Variants in LMBR1 observed in about 807,000 individuals in gnomAD.
LMBR1 encodes limb development membrane protein 1.
A neutral mutation model predicts 73.9 loss-of-function variants in LMBR1; 52 were observed. That is an observed-to-expected ratio of 0.70 (90% CI 0.56 to 0.89). The LOEUF is 0.89. Ranked by LOEUF, LMBR1 falls within the 40% of genes least tolerant of loss-of-function variation. LMBR1 has a pLI of 0.00. For synonymous variants in LMBR1, 215 were observed against 209.4 expected (o/e 1.03, Z -0.23); for missense variants, 539 against 579.8 (o/e 0.93, Z 0.72).
chr7:156,707,777 A>G (rs1340774323), intron 15 of LMBR1, among the ~76,000 whole-genome samples: 1 of 152,222 alleles, frequency 6.6e-6, no homozygotes, highest in African/African-American at 2.4e-5. Context: ...AACTGGAAAA[A>G]GACAAGGATG....
intron 1 of LMBR1, among the ~76,000 whole-genome samples, chr7:156,842,320 G>A (rs1443043166): frequency 6.7e-6 from 1 of 148,740 alleles, no homozygotes; most frequent in East Asian, 2.0e-4. Flanking sequence ...AGCATTTTGT[G>A]GGGCGGGGGG....
At chr7:156,676,015 T>C (rs1350249182), downstream of LMBR1, 3 of 868,128 alleles carry the variant, frequency 3.5e-6, no homozygotes, top group Admixed American at 5.3e-5. Context: ...GGGGGTGGCA[T>C]GTCGGGGGAG....
Position 156,681,146 on chromosome 7 carries a change from C to CGT in LMBR1, c.*2931_*2932insAC, listed in dbSNP as rs2131826644. On this transcript the variant is annotated 3_prime_UTR_variant, in exon 17 of 17. Coordinates refer to ENST00000353442, the MANE Select transcript of LMBR1 (RefSeq NM_022458.4). ...ATTAAATAACGTGCTACCAACAAAA[C>CGT]TAGCACATAAGAGCCTGTAAATGAT... The CGT allele has an allele frequency of 2.2e-6, 1 of 448,144 alleles. No homozygotes were observed. Among genetic ancestry groups the CGT allele is most frequent in the East Asian group, 7.0e-5 (1 of 14,228 alleles). The allele number at this position is 448,144 out of a possible 1,614,324, so 27.8% of individuals were successfully genotyped here. A position where few individuals can be genotyped will look rare whatever the true frequency, so the allele number is the denominator to read the frequency against.
chr7:156,736,379 A>G (rs1817872789), intron 9 of LMBR1: 1 of 372,016 alleles, frequency 2.7e-6, no homozygotes, highest in Admixed American at 3.3e-5. Context: ...ATTATTTAGT[A>G]TAATAGCTGA....
intron 15 of LMBR1, among the ~76,000 whole-genome samples, chr7:156,695,454 T>C (rs1274891967): frequency 1.3e-5 from 2 of 152,196 alleles, no homozygotes; most frequent in East Asian, 3.8e-4. Context: ...GCTCAGTTTC[T>C]GGGGAGGTCT....
chr7:156,858,219 C>T (rs1797245205), intron 1 of LMBR1, among the ~76,000 whole-genome samples: 1 of 151,434 alleles, frequency 6.6e-6, no homozygotes, highest in Admixed American at 6.6e-5. Context: ...AGAAAAAGAA[C>T]ACAAATTACT....
chr7:156,858,315 C>T (rs760215852), intron 1 of LMBR1, among the ~76,000 whole-genome samples: 1 of 152,064 alleles, frequency 6.6e-6, no homozygotes, highest in Non-Finnish European at 1.5e-5. Context: ...ACTCCGTGCC[C>T]ACAAATTTGA....
chr7:156,692,164 C>A (rs935247773), intron 15 of LMBR1, among the ~76,000 whole-genome samples: 1 of 152,134 alleles, frequency 6.6e-6, no homozygotes, highest in African/African-American at 2.4e-5. Flanking sequence ...CAACCCAAGC[C>A]CTCCTGGGTT....
intron 15 of LMBR1, among the ~76,000 whole-genome samples, chr7:156,723,224 C>G (rs1814989366): frequency 1.3e-5 from 2 of 152,162 alleles, no homozygotes; most frequent in Admixed American, 1.3e-4. Flanking sequence ...CTTCTACTTT[C>G]TTTGCACAGC....
At chr7:156,789,180 G>GT (rs539713333) in intron 5 of LMBR1, among the ~76,000 whole-genome samples, 1 of 151,990 alleles carries the variant, frequency 6.6e-6, no homozygotes, top group Non-Finnish European at 1.5e-5. Flanking sequence ...TTTTTCTACT[G>GT]TTAGTGTGTC....
At chr7:156,808,051 G>A (rs59585434) in intron 4 of LMBR1, among the ~76,000 whole-genome samples, 36,965 of 151,868 alleles carry the variant, frequency 0.24, 5,032 homozygotes, top group East Asian at 0.42. Flanking sequence ...ATCTCTCTTG[G>A]TAAATGCCCA....
Position 156,890,573 on chromosome 7 carries a change from TAAAC to T in LMBR1, c.66+2351_66+2354del, listed in dbSNP as rs543367730. On this transcript the variant is annotated intron_variant, in intron 1 of 16. Coordinates refer to ENST00000353442, the MANE Select transcript of LMBR1 (RefSeq NM_022458.4). Reference sequence around the variant, plus strand: ...CTTCACAAGATTTCCAAATGGCTAATAAACAAACAGGTGCTCAAATTCATTAGTT... The same window carrying T: ...CTTCACAAGATTTCCAAATGGCTAATAAACAGGTGCTCAAATTCATTAGTT... Among the ~76,000 whole-genome samples, 292 of 152,316 alleles carry T rather than the reference TAAAC, an allele frequency of 1.9e-3. 2 individuals carry two copies. Among genetic ancestry groups the T allele is most frequent in the African/African-American group, 6.4e-3 (265 of 41,566 alleles).
chr7:156,702,759 T>A (rs943039172), intron 15 of LMBR1, among the ~76,000 whole-genome samples: 2 of 152,240 alleles, frequency 1.3e-5, no homozygotes, highest in Non-Finnish European at 2.9e-5. Context: ...TTTTTTGATA[T>A]CTACCCCAAG....
intron 9 of LMBR1, among the ~76,000 whole-genome samples, chr7:156,754,042 C>T (rs1248208299): frequency 6.6e-6 from 1 of 152,132 alleles, no homozygotes; most frequent in Non-Finnish European, 1.5e-5. Flanking sequence ...ATATCTAGTG[C>T]TTAATTAAGA....
At chr7:156,749,185 G>A (rs796370739) in intron 9 of LMBR1, among the ~76,000 whole-genome samples, 19 of 152,280 alleles carry the variant, frequency 1.2e-4, no homozygotes, top group African/African-American at 4.6e-4. Context: ...GTATTTGTAG[G>A]ATTGTCATTG....
At chr7:156,746,505 G>A (rs1819882504) in intron 9 of LMBR1, among the ~76,000 whole-genome samples, 2 of 152,088 alleles carry the variant, frequency 1.3e-5, no homozygotes, top group South Asian at 2.1e-4. Flanking sequence ...TAACTAAAAT[G>A]GCATTTCTGA....
rs141297310 is a variant in LMBR1, at chr7:156,724,307, T to TG, written c.1159-130_1159-129insC. 4,255 of 617,814 alleles carry TG rather than the reference T, an allele frequency of 6.9e-3. 139 individuals are homozygous for TG. Among genetic ancestry groups the TG allele is most frequent in the African/African-American group, 0.068 (3,642 of 53,810 alleles). 38.3% of individuals were successfully genotyped at this position (617,814 alleles called of 1,614,324 possible). ...TACTTTGCCGATTTCTTAATGATAC[T>TG]ATTCAGTACAGAATTTTCAAAGAAT... On this transcript the variant is annotated intron_variant, in intron 14 of 16. Transcript: ENST00000353442.
chr7:156,713,972 G>A (rs1041888332), intron 15 of LMBR1, among the ~76,000 whole-genome samples: 8 of 152,180 alleles, frequency 5.3e-5, no homozygotes, highest in African/African-American at 1.7e-4. Context: ...TACTGTGCAT[G>A]TACTACAGAA....
chr7:156,779,125 T>G (rs1826663383), intron 5 of LMBR1, among the ~76,000 whole-genome samples: 1 of 152,200 alleles, frequency 6.6e-6, no homozygotes, highest in African/African-American at 2.4e-5. Context: ...TATTTATTAA[T>G]CAATAACTGT....
Sources: allele counts gnomAD v4.1 joint callset (sites outside exome capture counted in the v4.1 genomes callset), GRCh38; gene constraint gnomAD v4.1.1; transcripts MANE v1.5; gene names NCBI Gene and HGNC (gene_info 2026-07-23, HGNC 2026-07-21).